CTNNA2: variants seen among roughly 807,000 people sequenced by gnomAD.
The protein encoded by CTNNA2 is catenin alpha 2.
In CTNNA2, 42 loss-of-function variants were observed where a neutral mutation model predicts 101.0. The observed-to-expected ratio is 0.42, with a 90% CI of 0.32 to 0.54. The LOEUF (loss-of-function observed/expected upper bound fraction) is 0.54. Among genes scored for constraint, CTNNA2 ranks in the 20% least tolerant of loss-of-function variants. CTNNA2 has a pLI of 0.14. For synonymous variants in CTNNA2, 450 were observed against 456.4 expected (o/e 0.99, Z 0.18); for missense variants, 871 against 1,223.1 (o/e 0.71, Z 4.29).
At chr2:79,334,318 A>G (rs1676941799) in intron 3 of CTNNA2, among the ~76,000 whole-genome samples, 1 of 152,158 alleles carries the variant, frequency 6.6e-6, no homozygotes, top group South Asian at 2.1e-4. Context: ...CCAGAATTTG[A>G]ACCTAAAGAG....
intron 2 of CTNNA2, among the ~76,000 whole-genome samples, chr2:79,242,926 C>A (rs1456661545): frequency 1.3e-5 from 2 of 149,940 alleles, no homozygotes; most frequent in Non-Finnish European, 3.0e-5. Context: ...ATGATAACAT[C>A]ACTGTACTCC....
chr2:79,384,715 A>T (rs762257777), intron 4 of CTNNA2, among the ~76,000 whole-genome samples: 1 of 152,136 alleles, frequency 6.6e-6, no homozygotes, highest in Non-Finnish European at 1.5e-5. Flanking sequence ...GCACATTTGC[A>T]TTAACTAACC....
At chr2:80,012,564 A>G (rs1693864996) in intron 7 of CTNNA2, among the ~76,000 whole-genome samples, 1 of 152,204 alleles carries the variant, frequency 6.6e-6, no homozygotes, top group Non-Finnish European at 1.5e-5. Flanking sequence ...TCTCTGTCAC[A>G]ACTACTCAAC....
intron 7 of CTNNA2, among the ~76,000 whole-genome samples, chr2:80,034,847 C>T (rs1193021375): frequency 6.6e-6 from 1 of 152,076 alleles, no homozygotes; most frequent in Non-Finnish European, 1.5e-5. Flanking sequence ...CTGCACAACT[C>T]CTGTAGAAGA....
At chr2:79,417,247 C>T (rs950812827) in intron 4 of CTNNA2, among the ~76,000 whole-genome samples, 1 of 152,036 alleles carries the variant, frequency 6.6e-6, no homozygotes, top group African/African-American at 2.4e-5. Flanking sequence ...TCCAAATAAG[C>T]TTAGGATTTG....
At chr2:79,397,946 A>G (rs1461482267) in intron 4 of CTNNA2, among the ~76,000 whole-genome samples, 4 of 152,136 alleles carry the variant, frequency 2.6e-5, no homozygotes, top group Non-Finnish European at 5.9e-5. Flanking sequence ...TCCTTCAACA[A>G]GAACTTGTGG....
At chr2:79,788,846 A>C (rs10865444) in intron 3 of CTNNA2, among the ~76,000 whole-genome samples, 23,828 of 152,122 alleles carry the variant, frequency 0.16, 3,097 homozygotes, top group East Asian at 0.37. Context: ...CATACATTCC[A>C]TACTTAGTCT....
chr2:80,357,239 TG>T (rs1553502702), intron 7 of CTNNA2, among the ~76,000 whole-genome samples: 2 of 138,370 alleles, frequency 1.4e-5, no homozygotes, highest in African/African-American at 2.7e-5. Context: ...ATTTTTTTTT[TG>T]TTTTTTTTTT....
chr2:80,331,765 C>T (rs1671355071), intron 7 of CTNNA2, among the ~76,000 whole-genome samples: 1 of 152,142 alleles, frequency 6.6e-6, no homozygotes, highest in Admixed American at 6.5e-5. Flanking sequence ...GAGTGAGGGT[C>T]CCCACTTTTT....
intron 2 of CTNNA2, among the ~76,000 whole-genome samples, chr2:79,282,413 C>A (rs1044882371): frequency 2.0e-5 from 3 of 152,076 alleles, no homozygotes; most frequent in African/African-American, 4.8e-5. Context: ...CCCGCTCCCC[C>A]CACCCTACAA....
chr2:79,895,565 G>C (rs1001344188), intron 6 of CTNNA2, among the ~76,000 whole-genome samples: 1 of 151,972 alleles, frequency 6.6e-6, no homozygotes, highest in Non-Finnish European at 1.5e-5. Context: ...CACCGACATA[G>C]AGTTTAACTA....
chr2:79,363,797 C>A (rs1558646524), intron 3 of CTNNA2, among the ~76,000 whole-genome samples: 1 of 152,296 alleles, frequency 6.6e-6, no homozygotes, highest in East Asian at 1.9e-4. Context: ...AATTATACAG[C>A]ACAGTGTTAC....
intron 7 of CTNNA2, among the ~76,000 whole-genome samples, chr2:80,137,689 C>T (rs917231534): frequency 2.0e-5 from 3 of 151,216 alleles, no homozygotes; most frequent in Non-Finnish European, 4.4e-5. Context: ...GGACCATGCA[C>T]ATAGGAATCC....
chr2:79,538,268 C>G (rs1290199929), intron 1 of CTNNA2, among the ~76,000 whole-genome samples: 2 of 151,692 alleles, frequency 1.3e-5, no homozygotes, highest in Admixed American at 1.3e-4. Context: ...TCAGGGTATA[C>G]TTTTAACCAC....
In CTNNA2 at chr2:80,419,537, G is replaced by A; in HGVS notation, c.1226G>A (p.Gly409Glu). Reference protein sequence around the residue: ...LLVLIEAAKSGNEKEVKEYAQ... With the variant: ...LLVLIEAAKSENEKEVKEYAQ... ...GTTCTCATTGAGGCTGCAAAGAGCG[G>A]AAATGAAAAGGAAGTGAAAGAATAT... Residue 409 changes from glycine (G) to glutamate (E), a missense_variant, in exon 9 of 19, where the codon GGA becomes GAA. Coordinates refer to ENST00000402739, the MANE Select transcript of CTNNA2 (RefSeq NM_001282597.3). 6.2e-7 allele frequency: 1 copy of A among 1,613,862 alleles called. No homozygotes were observed. Among genetic ancestry groups the A allele is most frequent in the Non-Finnish European group, 8.5e-7 (1 of 1,179,874 alleles).
rs1286372629 is a variant in CTNNA2, at chr2:79,814,629, A to ACACG, written c.299-43381_299-43380insGCAC. Reference sequence around the variant, plus strand: ...TGTATACACACACACACACACACACACACACACACATATATATATATATCA... The same window carrying ACACG: ...TGTATACACACACACACACACACACACACGCACACACACATATATATATATATCA... On this transcript the variant is annotated intron_variant, in intron 3 of 18. Coordinates refer to ENST00000402739, the MANE Select transcript of CTNNA2 (RefSeq NM_001282597.3). Among the ~76,000 whole-genome samples, 8 of 146,174 alleles carry ACACG rather than the reference A, an allele frequency of 5.5e-5. No homozygotes were observed. The East Asian group carries it at 1.6e-3, about 29-fold the overall frequency.
At chr2:79,725,624 T>C (rs1197743403) in intron 2 of CTNNA2, among the ~76,000 whole-genome samples, 1 of 152,240 alleles carries the variant, frequency 6.6e-6, no homozygotes, top group Non-Finnish European at 1.5e-5. Flanking sequence ...CAATAAAATC[T>C]AATCATGTCC....
intron 1 of CTNNA2, among the ~76,000 whole-genome samples, chr2:79,541,654 GTC>G (rs1298489224): frequency 2.0e-5 from 3 of 149,140 alleles, no homozygotes; most frequent in Non-Finnish European, 4.4e-5. Flanking sequence ...TTGAGACAGA[GTC>G]TCTCTCTGTT....
intron 7 of CTNNA2, among the ~76,000 whole-genome samples, chr2:80,327,435 A>G (rs1363914646): frequency 6.6e-6 from 1 of 152,094 alleles, no homozygotes; most frequent in Non-Finnish European, 1.5e-5. Context: ...GTCTTCTTCA[A>G]AGTTGAAGAG....
Sources: allele counts gnomAD v4.1 joint callset (sites outside exome capture counted in the v4.1 genomes callset), GRCh38; gene constraint gnomAD v4.1.1; transcripts MANE v1.5; gene names NCBI Gene and HGNC (gene_info 2026-07-23, HGNC 2026-07-21).